The following ERBB4 variants were observed in gnomAD, a reference collection of about 807,000 sequenced individuals.
The protein encoded by ERBB4 is receptor tyrosine-protein kinase erbB-4.
Under a neutral mutation model 158.0 loss-of-function variants are expected in ERBB4, and 42 were observed. That is an observed-to-expected ratio of 0.27 (90% confidence interval 0.21 to 0.34). The LOEUF is 0.34. ERBB4 is among the 10% of genes least tolerant of loss of function. The pLI is 1.00. For synonymous variants in ERBB4, 583 were observed against 558.7 expected (o/e 1.04, Z -0.61); for missense variants, 1,333 against 1,624.1 (o/e 0.82, Z 3.08).
intron 2 of ERBB4, among the ~76,000 whole-genome samples, chr2:212,103,137 T>G (rs1384837070): frequency 1.3e-5 from 2 of 152,140 alleles, no homozygotes; most frequent in Non-Finnish European, 2.9e-5. Context: ...CACTGAATAC[T>G]CCATTCCTTT....
At chr2:211,520,370 G>A (rs1225373175) in intron 20 of ERBB4, among the ~76,000 whole-genome samples, 1 of 152,012 alleles carries the variant, frequency 6.6e-6, no homozygotes, top group African/African-American at 2.4e-5. Flanking sequence ...GGGAGAAGAC[G>A]ACATATTCAA....
At chr2:212,064,514 G>A (rs541465759) in intron 2 of ERBB4, among the ~76,000 whole-genome samples, 10 of 152,114 alleles carry the variant, frequency 6.6e-5, no homozygotes, top group African/African-American at 1.7e-4. Context: ...TACTCCACTC[G>A]GCCTTCTGGG....
intron 1 of ERBB4, among the ~76,000 whole-genome samples, chr2:212,240,799 C>T (rs988563030): frequency 2.0e-5 from 3 of 151,918 alleles, no homozygotes; most frequent in Non-Finnish European, 4.4e-5. Flanking sequence ...CCTTCTTTAT[C>T]AAACCTAAGC....
intron 3 of ERBB4, among the ~76,000 whole-genome samples, chr2:211,898,078 A>G (rs2079145862): frequency 6.6e-6 from 1 of 151,920 alleles, no homozygotes; most frequent in Non-Finnish European, 1.5e-5. Flanking sequence ...TTTTTTTTCT[A>G]ATAAGCATAA....
intron 19 of ERBB4, among the ~76,000 whole-genome samples, chr2:211,574,416 A>G (rs1247790197): frequency 2.0e-5 from 3 of 152,248 alleles, no homozygotes; most frequent in Non-Finnish European, 4.4e-5. Flanking sequence ...AGTAATCACA[A>G]TAACACTAAT....
At position 211,716,738 on chromosome 2, in the gene ERBB4, C is replaced by G. The variant is rs147885360; in HGVS notation, c.884-3090G>C. ...AAAAAAACAAAAAAAAAAGAAGAAGCTTAATGTCCTTGTTTTCCCAAGAAA... is the reference window on the plus strand; with the variant it reads ...AAAAAAACAAAAAAAAAAGAAGAAGGTTAATGTCCTTGTTTTCCCAAGAAA... On this transcript the variant is annotated intron_variant, in intron 7 of 27. Coordinates refer to ENST00000342788, the MANE Select transcript of ERBB4 (RefSeq NM_005235.3). Among the ~76,000 whole-genome samples the G allele has an allele frequency of 2.9e-3, 439 of 152,134 alleles. 3 individuals carry two copies. Among genetic ancestry groups the G allele is most frequent in the Middle Eastern group, 0.014 (4 of 294 alleles).
At chr2:211,422,167 T>G in intron 23 of ERBB4, 63 bp from the exon 24 acceptor site, 1 of 1,136,518 alleles carries the variant, frequency 8.8e-7, no homozygotes, top group South Asian at 1.2e-5. Context: ...GAAATTTAAA[T>G]TTTGTGAAAA....
At chr2:212,313,659 C>G (rs1387314113) in intron 1 of ERBB4, among the ~76,000 whole-genome samples, 1 of 151,008 alleles carries the variant, frequency 6.6e-6, no homozygotes, top group Non-Finnish European at 1.5e-5. Context: ...TTATGAATAT[C>G]ATGAAATCTC....
At chr2:212,158,404 C>T (rs2081104289) in intron 1 of ERBB4, among the ~76,000 whole-genome samples, 1 of 151,932 alleles carries the variant, frequency 6.6e-6, no homozygotes, top group African/African-American at 2.4e-5. Context: ...AAATGAACCA[C>T]GTTCTTATAA....
intron 25 of ERBB4, among the ~76,000 whole-genome samples, chr2:211,395,865 T>A (rs2062905097): frequency 6.6e-6 from 1 of 152,098 alleles, no homozygotes; most frequent in South Asian, 2.1e-4. Context: ...TGATATACTT[T>A]TACCTTCATA....
At chr2:212,420,357 T>C (rs1440198546) in intron 1 of ERBB4, among the ~76,000 whole-genome samples, 2 of 152,074 alleles carry the variant, frequency 1.3e-5, no homozygotes, top group Non-Finnish European at 2.9e-5. Context: ...GGCCCCGCCA[T>C]ACAAATAAAA....
chr2:212,329,819 A>G (rs1048777868), intron 1 of ERBB4, among the ~76,000 whole-genome samples: 3 of 152,104 alleles, frequency 2.0e-5, no homozygotes, highest in Non-Finnish European at 4.4e-5. Flanking sequence ...CCAATCAGAA[A>G]AAGGTTCCTG....
intron 1 of ERBB4, among the ~76,000 whole-genome samples, chr2:212,436,298 T>G (rs1381308746): frequency 6.6e-6 from 1 of 151,892 alleles, no homozygotes; most frequent in Non-Finnish European, 1.5e-5. Flanking sequence ...AGATCACATA[T>G]TAAAAGAAAT....
Position 211,381,805 on chromosome 2 carries a change from T to C in ERBB4, c.*1810A>G, listed in dbSNP as rs1218203305. 2 of 229,696 alleles carry C rather than the reference T, an allele frequency of 8.7e-6. No individual in the cohort carries two copies. Among genetic ancestry groups the C allele is most frequent in the African/African-American group, 4.4e-5 (2 of 45,184 alleles). The allele number at this position is 229,696 out of a possible 1,614,324, so 14.2% of individuals were successfully genotyped here. ...TAATCTTATACTATTGATTCTAATT[T>C]GGTCCCAATATTTTAACATTAGAAA... On this transcript the variant is annotated 3_prime_UTR_variant, in exon 28 of 28. Transcript: ENST00000342788.
chr2:211,572,691 C>T (rs529205444), intron 19 of ERBB4, among the ~76,000 whole-genome samples: 22 of 152,278 alleles, frequency 1.4e-4, no homozygotes, highest in Middle Eastern at 6.8e-3. Flanking sequence ...CTTCAACAAA[C>T]CCTGTTGCTG....
At chr2:212,233,833 G>A (rs900319901) in intron 1 of ERBB4, among the ~76,000 whole-genome samples, 12 of 151,978 alleles carry the variant, frequency 7.9e-5, no homozygotes, top group Admixed American at 5.9e-4. Flanking sequence ...TTTTGTGCAT[G>A]TATTTATCTT....
chr2:211,445,480 C>T (rs1256523372), intron 20 of ERBB4, among the ~76,000 whole-genome samples: 1 of 151,902 alleles, frequency 6.6e-6, no homozygotes. Context: ...AAAAAGTGAC[C>T]AAAAGTAATG....
chr2:212,042,631 C>A (rs776038006), intron 2 of ERBB4, among the ~76,000 whole-genome samples: 1 of 152,024 alleles, frequency 6.6e-6, no homozygotes, highest in East Asian at 1.9e-4. Context: ...CCTTTAAGTG[C>A]CTATAATCTT....
At chr2:212,513,331 T>TA (rs568290830) in intron 1 of ERBB4, among the ~76,000 whole-genome samples, 12 of 152,160 alleles carry the variant, frequency 7.9e-5, no homozygotes, top group South Asian at 4.1e-4. Context: ...ACTGAGATGA[T>TA]AAAAAATAGC....
Sources: allele counts gnomAD v4.1 joint callset (sites outside exome capture counted in the v4.1 genomes callset), GRCh38; gene constraint gnomAD v4.1.1; transcripts MANE v1.5; gene names NCBI Gene and HGNC (gene_info 2026-07-23, HGNC 2026-07-21).